LRP1B: variants seen among roughly 807,000 people sequenced by gnomAD.
The protein encoded by LRP1B is low-density lipoprotein receptor-related protein 1B.
In LRP1B, 217 loss-of-function variants were observed where a neutral mutation model predicts 556.6. The observed-to-expected ratio is 0.39, with a 90% CI of 0.35 to 0.44. The LOEUF is 0.44. LRP1B is among the 20% of genes least tolerant of loss of function. The pLI is 1.00. For synonymous variants in LRP1B, 2,047 were observed against 1,865.8 expected (o/e 1.10, Z -2.50); for missense variants, 5,053 against 5,620.8 (o/e 0.90, Z 3.23).
chr2:141,405,299 T>C (rs1690595025), intron 3 of LRP1B, among the ~76,000 whole-genome samples: 1 of 152,182 alleles, frequency 6.6e-6, no homozygotes. Flanking sequence ...TTATAGGGAA[T>C]ATCATTTAGC....
At chr2:140,705,142 A>C (rs1288169381) in intron 37 of LRP1B, among the ~76,000 whole-genome samples, 3 of 152,172 alleles carry the variant, frequency 2.0e-5, no homozygotes, top group Admixed American at 6.5e-5. Flanking sequence ...CCAAATAGAA[A>C]GATAACACAG....
intron 87 of LRP1B, among the ~76,000 whole-genome samples, chr2:140,242,142 T>C (rs1438329872): frequency 6.6e-6 from 1 of 151,084 alleles, no homozygotes; most frequent in African/African-American, 2.4e-5. Flanking sequence ...TCTGTTTTAC[T>C]ATTCATTACC....
chr2:140,366,525 T>C (rs1347601841), intron 71 of LRP1B, among the ~76,000 whole-genome samples: 3 of 151,628 alleles, frequency 2.0e-5, no homozygotes, highest in Non-Finnish European at 3.0e-5. Flanking sequence ...TAGTTATGAT[T>C]TGAAGTTTAA....
chr2:141,225,754 A>G (rs558637856), intron 6 of LRP1B, among the ~76,000 whole-genome samples: 1 of 152,282 alleles, frequency 6.6e-6, no homozygotes, highest in African/African-American at 2.4e-5. Context: ...TAAGCATATT[A>G]TTATCATTCA....
At chr2:141,705,257 T>A (rs1692095281) in intron 2 of LRP1B, among the ~76,000 whole-genome samples, 1 of 152,004 alleles carries the variant, frequency 6.6e-6, no homozygotes, top group Non-Finnish European at 1.5e-5. Context: ...TTCTGCTATG[T>A]CATTTTGAGC....
intron 35 of LRP1B, among the ~76,000 whole-genome samples, chr2:140,738,239 A>G (rs575078674): frequency 1.3e-5 from 2 of 152,246 alleles, no homozygotes; most frequent in East Asian, 3.9e-4. Flanking sequence ...CCCTGTATCC[A>G]GTGTGGCCTG....
intron 3 of LRP1B, among the ~76,000 whole-genome samples, chr2:141,319,418 T>C (rs1313766700): frequency 2.0e-5 from 3 of 151,134 alleles, no homozygotes; most frequent in African/African-American, 7.3e-5. Flanking sequence ...CTGAATAAGC[T>C]GATATTTTGA....
chr2:141,481,390 T>A (rs1682913353), intron 2 of LRP1B, among the ~76,000 whole-genome samples: 1 of 152,162 alleles, frequency 6.6e-6, no homozygotes, highest in Non-Finnish European at 1.5e-5. Context: ...ATCCAGCTCT[T>A]CCAAATCTAA....
At chr2:140,352,255 A>G (rs1004271247) in intron 76 of LRP1B, among the ~76,000 whole-genome samples, 1 of 152,056 alleles carries the variant, frequency 6.6e-6, no homozygotes, top group Non-Finnish European at 1.5e-5. Context: ...GGCTCACTGC[A>G]ACCTCTGCCT....
intron 7 of LRP1B, among the ~76,000 whole-genome samples, chr2:141,182,572 C>T (rs1175434804): frequency 6.6e-6 from 1 of 151,646 alleles, no homozygotes; most frequent in East Asian, 1.9e-4. Flanking sequence ...GTCCCAGATA[C>T]CTGGGAGAGA....
At chr2:140,652,267 C>T (rs866221244) in intron 41 of LRP1B, among the ~76,000 whole-genome samples, 2 of 151,548 alleles carry the variant, frequency 1.3e-5, no homozygotes, top group Non-Finnish European at 2.9e-5. Flanking sequence ...TTTGAGACAT[C>T]TAGATAAATT....
intron 41 of LRP1B, among the ~76,000 whole-genome samples, chr2:140,661,124 A>C (rs1287442018): frequency 1.3e-5 from 2 of 152,176 alleles, no homozygotes; most frequent in Non-Finnish European, 2.9e-5. Context: ...CATTATTAAG[A>C]AAATGGTGAA....
At chr2:140,256,223 T>C (rs1247857779) in intron 86 of LRP1B, among the ~76,000 whole-genome samples, 2 of 152,026 alleles carry the variant, frequency 1.3e-5, no homozygotes, top group Non-Finnish European at 1.5e-5. Flanking sequence ...GGTTGAAATC[T>C]AGGCTCCTCT....
chr2:140,298,046 A>C, intron 83 of LRP1B, 77 bp from the exon 84 acceptor site: 1 of 1,372,898 alleles, frequency 7.3e-7, no homozygotes, highest in South Asian at 1.5e-5. Flanking sequence ...TCATGGGATA[A>C]AAGTTGAGAA....
At chr2:141,622,914 A>G (rs1241507593) in intron 2 of LRP1B, among the ~76,000 whole-genome samples, 1 of 152,010 alleles carries the variant, frequency 6.6e-6, no homozygotes, top group African/African-American at 2.4e-5. Flanking sequence ...TCCTCCCCCA[A>G]CCCCTGCCAC....
chr2:141,528,295 A>G (rs1488033003), intron 2 of LRP1B, among the ~76,000 whole-genome samples: 1 of 151,970 alleles, frequency 6.6e-6, no homozygotes, highest in South Asian at 2.1e-4. Flanking sequence ...AAAATTTGTG[A>G]TAAATTCCTG....
chr2:140,664,026 A>G (rs1685184610), intron 41 of LRP1B, among the ~76,000 whole-genome samples: 1 of 152,196 alleles, frequency 6.6e-6, no homozygotes, highest in East Asian at 1.9e-4. Flanking sequence ...CTGGTGGACC[A>G]ATAAGAACAC....
At chr2:141,158,140 T>A (rs977819608) in intron 7 of LRP1B, among the ~76,000 whole-genome samples, 1 of 152,144 alleles carries the variant, frequency 6.6e-6, no homozygotes, top group African/African-American at 2.4e-5. Context: ...ATGACTGAAA[T>A]CACATAAATC....
chr2:141,839,270 A>G (rs1475305049), intron 1 of LRP1B, among the ~76,000 whole-genome samples: 2 of 152,178 alleles, frequency 1.3e-5, no homozygotes, highest in African/African-American at 4.8e-5. Flanking sequence ...TGTACCTTAC[A>G]TAGTGGAAAT....
Sources: allele counts gnomAD v4.1 joint callset (sites outside exome capture counted in the v4.1 genomes callset), GRCh38; gene constraint gnomAD v4.1.1; transcripts MANE v1.5; gene names NCBI Gene and HGNC (gene_info 2026-07-23, HGNC 2026-07-21).